The following GPC6 variants were observed in gnomAD, a reference collection of about 807,000 sequenced individuals.
GPC6 encodes the protein glypican 6.
GPC6 carries 14 observed loss-of-function variants against 55.2 expected under a neutral mutation model. That is an observed-to-expected ratio of 0.25 (90% CI 0.17 to 0.40). The LOEUF is 0.40. GPC6 is among the 10% of genes least tolerant of loss of function. The pLI is 1.00. For synonymous variants in GPC6, 278 were observed against 259.6 expected (o/e 1.07, Z -0.68); for missense variants, 641 against 708.5 (o/e 0.90, Z 1.08).
intron 4 of GPC6, among the ~76,000 whole-genome samples, chr13:94,269,382 T>G (rs1891920164): frequency 1.3e-5 from 2 of 152,190 alleles, no homozygotes; most frequent in Non-Finnish European, 2.9e-5. Context: ...CGTTTTCCTG[T>G]GATATTGATG....
At chr13:93,743,155 C>A (rs1427385690) in intron 2 of GPC6, among the ~76,000 whole-genome samples, 2 of 152,100 alleles carry the variant, frequency 1.3e-5, no homozygotes, top group Non-Finnish European at 2.9e-5. Flanking sequence ...ATAGAGACTG[C>A]AGGTAGAGAG....
intron 6 of GPC6, among the ~76,000 whole-genome samples, chr13:94,379,738 T>A (rs2139204456): frequency 6.6e-6 from 1 of 152,290 alleles, no homozygotes; most frequent in South Asian, 2.1e-4. Context: ...TGCTGAAAAC[T>A]CGTCACCCTG....
chr13:93,514,028 C>T (rs1033525615), intron 1 of GPC6, among the ~76,000 whole-genome samples: 4 of 151,958 alleles, frequency 2.6e-5, no homozygotes, highest in African/African-American at 4.8e-5. Flanking sequence ...CACCCACCAC[C>T]ACGCCCAGCT....
At chr13:93,973,264 C>G (rs1445573342) in intron 3 of GPC6, among the ~76,000 whole-genome samples, 1 of 152,246 alleles carries the variant, frequency 6.6e-6, no homozygotes. Flanking sequence ...CACAGTGGTA[C>G]TTATGTATCT....
At chr13:94,044,817 T>C (rs1165193681) in intron 4 of GPC6, among the ~76,000 whole-genome samples, 1 of 151,866 alleles carries the variant, frequency 6.6e-6, no homozygotes, top group East Asian at 1.9e-4. Context: ...TTTTTTCAGA[T>C]AAGAAATGGT....
intron 2 of GPC6, among the ~76,000 whole-genome samples, chr13:93,816,597 T>A (rs1886859217): frequency 6.6e-6 from 1 of 151,976 alleles, no homozygotes; most frequent in African/African-American, 2.4e-5. Context: ...CCTATACTTT[T>A]AGGTCTTTTA....
At chr13:94,249,474 G>A (rs553570774) in intron 4 of GPC6, among the ~76,000 whole-genome samples, 1 of 151,934 alleles carries the variant, frequency 6.6e-6, no homozygotes, top group East Asian at 1.9e-4. Flanking sequence ...GACCCCCTAA[G>A]ATATCTTTTA....
rs3044333 is a variant in GPC6, at chr13:94,387,730, TTCTCTCTC to T, written c.1289+5208_1289+5215del. On this transcript the variant is annotated intron_variant, in intron 7 of 8. Transcript: ENST00000377047. ...TACCCTTGTAAGAGGAGACATGAGT[TTCTCTCTC>T]TCTCTCTCTCTCTCTCTCTCTCTCT... 3.0e-3 allele frequency among the ~76,000 whole-genome samples: 427 copies of T among 141,256 alleles called. 1 individual carries two copies. The highest frequency in any genetic ancestry group is 4.2e-3 in the Non-Finnish European group (273 of 65,598). The allele number at this position is 141,256 out of a possible 152,430, so 92.7% of individuals were successfully genotyped here. A position where few individuals can be genotyped will look rare whatever the true frequency, so the allele number is the denominator to read the frequency against.
intron 2 of GPC6, among the ~76,000 whole-genome samples, chr13:93,814,667 A>T (rs914712492): frequency 1.3e-5 from 2 of 152,214 alleles, no homozygotes; most frequent in Non-Finnish European, 2.9e-5. Context: ...TTGGCAAATG[A>T]TCTGTCAAGT....
At chr13:93,268,131 G>A (rs1162688213) in intron 1 of GPC6, among the ~76,000 whole-genome samples, 1 of 152,022 alleles carries the variant, frequency 6.6e-6, no homozygotes, top group Non-Finnish European at 1.5e-5. Flanking sequence ...TTTTAAAGTG[G>A]GTTATATGCA....
At chr13:93,548,131 T>C (rs1020630111) in intron 2 of GPC6, among the ~76,000 whole-genome samples, 1 of 152,196 alleles carries the variant, frequency 6.6e-6, no homozygotes, top group African/African-American at 2.4e-5. Context: ...TAAAAGACTT[T>C]GAGTTTATTT....
intron 1 of GPC6, among the ~76,000 whole-genome samples, chr13:93,523,071 A>C (rs895901530): frequency 1.3e-5 from 2 of 151,368 alleles, no homozygotes; most frequent in African/African-American, 4.8e-5. Context: ...ATACATATAC[A>C]TATATGTGTG....
intron 4 of GPC6, among the ~76,000 whole-genome samples, chr13:94,186,463 T>C (rs1889190539): frequency 1.3e-5 from 2 of 152,184 alleles, no homozygotes; most frequent in South Asian, 4.1e-4. Context: ...CTTTCCAAAG[T>C]ACTTAATTTT....
chr13:93,907,872 G>C (rs1335542984), intron 3 of GPC6, among the ~76,000 whole-genome samples: 1 of 151,960 alleles, frequency 6.6e-6, no homozygotes, highest in African/African-American at 2.4e-5. Context: ...TATTAACTTT[G>C]TCTCCTTTCC....
At chr13:94,209,852 T>TTA (rs1566546409) in intron 4 of GPC6, among the ~76,000 whole-genome samples, 15 of 151,592 alleles carry the variant, frequency 9.9e-5, no homozygotes, top group African/African-American at 3.4e-4. Context: ...TTAATTAATT[T>TTA]ATTTATTTAC....
intron 2 of GPC6, among the ~76,000 whole-genome samples, chr13:93,553,572 G>C (rs141448871): frequency 6.6e-6 from 1 of 151,762 alleles, no homozygotes; most frequent in East Asian, 2.0e-4. Context: ...GCATGCGCCT[G>C]TAATCCCAGC....
chr13:94,027,392 C>T (rs1882941734), intron 3 of GPC6, among the ~76,000 whole-genome samples: 2 of 152,166 alleles, frequency 1.3e-5, no homozygotes, highest in Admixed American at 6.5e-5. Flanking sequence ...AAATGTGTCA[C>T]ATTAAACTTT....
intron 6 of GPC6, among the ~76,000 whole-genome samples, chr13:94,306,661 ATG>A (rs951303530): frequency 2.6e-5 from 4 of 152,054 alleles, no homozygotes; most frequent in Non-Finnish European, 2.9e-5. Context: ...AGCTGTTTAG[ATG>A]TGTGTCAGGG....
intron 1 of GPC6, among the ~76,000 whole-genome samples, chr13:93,241,829 GT>G (rs36078461): frequency 8.7e-5 from 13 of 148,916 alleles, no homozygotes; most frequent in South Asian, 2.1e-4. Flanking sequence ...ACTGAACTGG[GT>G]TTTTTTTTTC....
Sources: allele counts gnomAD v4.1 joint callset (sites outside exome capture counted in the v4.1 genomes callset), GRCh38; gene constraint gnomAD v4.1.1; transcripts MANE v1.5; gene names NCBI Gene and HGNC (gene_info 2026-07-23, HGNC 2026-07-21).